The following SLC36A1 variants were observed in gnomAD, a reference collection of about 807,000 sequenced individuals.
SLC36A1 encodes solute carrier family 36 member 1, also known as proton-coupled amino acid transporter 1.
SLC36A1 carries 30 observed loss-of-function variants against 47.5 expected under a neutral mutation model. That is an observed-to-expected ratio of 0.63 (90% CI 0.47 to 0.86). The LOEUF is 0.86. Among genes scored for constraint, SLC36A1 ranks in the 40% least tolerant of loss-of-function variants. The pLI is 0.00. For synonymous variants in SLC36A1, 255 were observed against 249.7 expected (o/e 1.02, Z -0.20); for missense variants, 517 against 606.0 (o/e 0.85, Z 1.54).
At chr5:151,382,071 G>A in the SLC36A1 span, 2 of 746,754 alleles carry the variant, frequency 2.7e-6, no homozygotes, top group Admixed American at 2.0e-5. Context: ...AGGCACTGAT[G>A]TAACCCCCAA....
At chr5:151,505,776 T>G in the SLC36A1 span, 1 of 1,614,000 alleles carries the variant, frequency 6.2e-7, no homozygotes, top group Non-Finnish European at 8.5e-7. Context: ...CTGCCGGAAC[T>G]GCGAGTGGTA....
chr5:151,539,125 G>A, the SLC36A1 span, among the ~76,000 whole-genome samples: 1 of 152,116 alleles, frequency 6.6e-6, no homozygotes, highest in Admixed American at 6.5e-5. Context: ...TGAGGGAAAA[G>A]AGAAGGAAGG....
the SLC36A1 span, chr5:151,414,700 T>G: frequency 7.9e-5 from 12 of 152,298 alleles, no homozygotes; most frequent in Admixed American, 7.2e-4. Flanking sequence ...TTTGAGGTTA[T>G]CTGCCAGAAG....
At chr5:151,512,179 C>T in the SLC36A1 span, 1 of 1,613,526 alleles carries the variant, frequency 6.2e-7, no homozygotes, top group Non-Finnish European at 8.5e-7. This position sits in a 1 kb window ranked among gnomAD's most constrained non-coding sequence, Gnocchi z 4.1. Flanking sequence ...CCCATGGGTC[C>T]ATGAGCACTT....
chr5:151,543,961 C>A, the SLC36A1 span: 1 of 1,614,138 alleles, frequency 6.2e-7, no homozygotes, highest in South Asian at 1.1e-5. Flanking sequence ...TGCCAGTTCA[C>A]TGACATTGGC....
chr5:151,457,762 C>A (rs1031740164), intron 1 of SLC36A1, among the ~76,000 whole-genome samples: 30 of 151,924 alleles, frequency 2.0e-4, no homozygotes, highest in African/African-American at 6.8e-4. Context: ...AGAAAGAGAA[C>A]GGCATGTGTG....
the SLC36A1 span, among the ~76,000 whole-genome samples, chr5:151,372,400 T>C: frequency 2.9e-3 from 439 of 152,044 alleles, 4 homozygotes; most frequent in African/African-American, 1.0e-2. Context: ...GAAATGGAAA[T>C]GTGAGTAATA....
At chr5:151,445,244 G>A (rs1044510842), upstream of SLC36A1, among the ~76,000 whole-genome samples, 1 of 151,874 alleles carries the variant, frequency 6.6e-6, no homozygotes, top group African/African-American at 2.4e-5. Flanking sequence ...ATAACCATGT[G>A]GTTTTCATTT....
At chr5:151,428,640 C>CT in the SLC36A1 span, among the ~76,000 whole-genome samples, 37 of 147,496 alleles carry the variant, frequency 2.5e-4, no homozygotes, top group Middle Eastern at 3.5e-3. Context: ...ACTCTGCTGA[C>CT]TTTTTTTTTT....
chr5:151,412,276 T>C, the SLC36A1 span, among the ~76,000 whole-genome samples: 14 of 144,958 alleles, frequency 9.7e-5, no homozygotes, highest in African/African-American at 3.5e-4. Context: ...TATATAAACA[T>C]GGGGAAAAAT....
chr5:151,358,566 T>G, the SLC36A1 span, among the ~76,000 whole-genome samples: 1 of 152,214 alleles, frequency 6.6e-6, no homozygotes, highest in Admixed American at 6.5e-5. Flanking sequence ...ATCTGGTGCT[T>G]GTTGTACATG....
the SLC36A1 span, among the ~76,000 whole-genome samples, chr5:151,499,297 G>A: frequency 2.6e-5 from 4 of 152,202 alleles, no homozygotes; most frequent in African/African-American, 7.2e-5. Context: ...GAGGCTGCCC[G>A]AGGGTTTCCA....
chr5:151,432,024 T>G, the SLC36A1 span, among the ~76,000 whole-genome samples: 4 of 152,130 alleles, frequency 2.6e-5, no homozygotes, highest in Non-Finnish European at 5.9e-5. Flanking sequence ...GATGGATAAA[T>G]GGGCTTCTCC....
At chr5:151,507,180 T>C in the SLC36A1 span, 3 of 1,598,990 alleles carry the variant, frequency 1.9e-6, no homozygotes, top group Non-Finnish European at 2.6e-6. Flanking sequence ...CCAGGTTCTC[T>C]TAATGACAGG....
chr5:151,351,243 C>T, the SLC36A1 span, among the ~76,000 whole-genome samples: 3 of 152,128 alleles, frequency 2.0e-5, no homozygotes, highest in Non-Finnish European at 4.4e-5. Flanking sequence ...GGAGAAGGAA[C>T]ACAGTGAGTG....
chr5:151,476,316 C>A (rs1004790422), intron 8 of SLC36A1, among the ~76,000 whole-genome samples: 1 of 152,230 alleles, frequency 6.6e-6, no homozygotes, highest in Non-Finnish European at 1.5e-5. Flanking sequence ...GATCCTGCAG[C>A]AGGAGGACAG....
the SLC36A1 span, chr5:151,422,284 A>G: frequency 1.3e-5 from 2 of 152,260 alleles, no homozygotes; most frequent in Non-Finnish European, 2.9e-5. Flanking sequence ...AATGAAAAAC[A>G]TAGGACAAAA....
At chr5:151,553,133 G>A in the SLC36A1 span, 2 of 1,580,364 alleles carry the variant, frequency 1.3e-6, no homozygotes, top group South Asian at 1.1e-5. Flanking sequence ...GGTGTATAAG[G>A]ATGGGAGGGG....
intron 10 of SLC36A1, among the ~76,000 whole-genome samples, chr5:151,486,661 A>G (rs989312073): frequency 2.0e-5 from 3 of 152,226 alleles, no homozygotes; most frequent in Non-Finnish European, 1.5e-5. Flanking sequence ...GCTTTACAGA[A>G]TGAACTTAGA....
Sources: allele counts gnomAD v4.1 joint callset (sites outside exome capture counted in the v4.1 genomes callset), GRCh38; gene constraint gnomAD v4.1.1; non-coding constraint Gnocchi (gnomAD v3.1); transcripts MANE v1.5; gene names NCBI Gene and HGNC (gene_info 2026-07-23, HGNC 2026-07-21).